Variants in CDHR2 observed in about 807,000 individuals in gnomAD.
CDHR2 encodes the protein cadherin-related family member 2.
A neutral mutation model predicts 138.6 loss-of-function variants in CDHR2; 104 were observed. That is an observed-to-expected ratio of 0.75 (90% CI 0.64 to 0.88). The LOEUF is 0.88. Ranked by LOEUF, CDHR2 falls within the 40% of genes least tolerant of loss-of-function variation. The pLI is 0.00. For missense variants in CDHR2, 1,624 were observed against 1,727.6 expected (o/e 0.94, Z 1.06); for synonymous variants, 755 against 742.8 (o/e 1.02, Z -0.27).
At chr5:176,570,796 C>G (rs1250147247) in intron 5 of CDHR2, among the ~76,000 whole-genome samples, 1 of 151,728 alleles carries the variant, frequency 6.6e-6, no homozygotes, top group Non-Finnish European at 1.5e-5. Flanking sequence ...TACTAAATAC[C>G]AAAAACTAAC....
In CDHR2 at chr5:176,576,934, G is replaced by C. The variant is rs185698895; in HGVS notation, c.1195-465G>C. ...AGAGGTGGGTAACACGGTGGCGCTGGAGGATGAGTAACTCTGGAGGGTGTA... is the reference window on the plus strand; with the variant it reads ...AGAGGTGGGTAACACGGTGGCGCTGCAGGATGAGTAACTCTGGAGGGTGTA... On this transcript the variant is annotated intron_variant, in intron 12 of 31. Coordinates refer to ENST00000261944, the MANE Select transcript of CDHR2 (RefSeq NM_017675.6). This position sits in a 1 kb window ranked among gnomAD's most constrained non-coding sequence, Gnocchi z 4.5. Among the ~76,000 whole-genome samples the C allele has an allele frequency of 6.6e-6, 1 of 152,200 alleles. No homozygotes were observed. Among genetic ancestry groups the C allele is most frequent in the Admixed American group, 6.5e-5 (1 of 15,282 alleles).
Position 176,595,589 on chromosome 5 carries a change from C to G in CDHR2, c.3850C>G (p.Leu1284Val), listed in dbSNP as rs1759008777. The G allele has an allele frequency of 6.2e-7, 1 of 1,612,942 alleles. No homozygotes were observed. Among genetic ancestry groups the G allele is most frequent in the Admixed American group, 1.7e-5 (1 of 59,930 alleles). The change falls in exon 32 of 32, where the codon CTG becomes GTG. Residue 1284 changes from leucine (L) to valine (V), a missense_variant. Physicochemically the swap from Leu to Val is conservative, Grantham distance 32 (BLOSUM62 1). Around this residue, in one of 3 missense-constraint regions of CDHR2, gnomAD observed 556 missense variants for 565.7 expected, o/e 0.98. Transcript: ENST00000261944. ...AGATCCAGAGCCCCTGAGCGTGGTC[C>G]TGTTAGGACGGCAGGCAGGCGCAAG... ...EPDPEPLSVV[L>V]LGRQAGASGQ...
chr5:176,575,729 ACGCGGCCCGGC>A lies in CDHR2; in HGVS notation c.851_861del (p.Thr284MetfsTer3). ...TCCGCCTTTCTCCTTGCCAGACTCCACGCGGCCCGGCTGGTTTGACATCGGGGCAGATGGGG... is the reference window on the plus strand; with the variant it reads ...TCCGCCTTTCTCCTTGCCAGACTCCATGGTTTGACATCGGGGCAGATGGGG... On this transcript the variant is annotated frameshift_variant, in exon 11 of 32. Coordinates refer to ENST00000261944, the MANE Select transcript of CDHR2 (RefSeq NM_017675.6). LOFTEE classifies it high-confidence loss of function. 5 of 1,578,008 alleles carry A rather than the reference ACGCGGCCCGGC, an allele frequency of 3.2e-6. No homozygotes were observed. Among genetic ancestry groups the A allele is most frequent in the Non-Finnish European group, 4.3e-6 (5 of 1,161,406 alleles).
chr5:176,558,447 G>A (rs1171782111), intron 1 of CDHR2, among the ~76,000 whole-genome samples: 1 of 140,092 alleles, frequency 7.1e-6, no homozygotes, highest in Non-Finnish European at 1.5e-5. Context: ...GCGATGGTGC[G>A]ATTTCGGCCC....
intron 3 of CDHR2, 148 bp from the exon 4 acceptor site, chr5:176,568,530 C>T: frequency 2.6e-6 from 2 of 781,216 alleles, no homozygotes; most frequent in South Asian, 1.8e-5. Context: ...ATGCTGCTGA[C>T]TTGGCTGATG....
intron 28 of CDHR2, 151 bp downstream of exon 28, chr5:176,590,838 C>T (rs1758826602): frequency 2.0e-6 from 2 of 1,004,032 alleles, no homozygotes; most frequent in East Asian, 2.5e-5. Context: ...GGGTGAGTCA[C>T]CTCCCCTCCA....
upstream of CDHR2, among the ~76,000 whole-genome samples, chr5:176,545,041 A>G (rs1289821501): frequency 6.6e-6 from 1 of 152,180 alleles, no homozygotes; most frequent in East Asian, 1.9e-4. Flanking sequence ...CTTGATTTCA[A>G]CTTGATAAAT....
rs1013870255 is a variant in CDHR2 at position 176,578,471 on chromosome 5, A to C, written c.1681A>C (p.Thr561Pro). 1 of 1,613,940 alleles carries C rather than the reference A, an allele frequency of 6.2e-7. No homozygotes were observed. ...QAVYYLTLQA[T>P]DGGNLSSSTT... is the part of the protein sequence containing the mutation. ...CGTGTACTACCTGACGCTGCAGGCCACAGACGGCGGGAACCTGTCCTCCTC... is the reference window on the plus strand; with the variant it reads ...CGTGTACTACCTGACGCTGCAGGCCCCAGACGGCGGGAACCTGTCCTCCTC... Residue 561 changes from threonine to proline, a missense_variant, in exon 16 of 32, where the codon ACA becomes CCA. This residue lies in a region of CDHR2 where 1,061 missense variants were observed against 1,136.6 expected (regional missense o/e 0.93). Transcript: ENST00000261944.
At chr5:176,573,579 A>T (rs527773185) in intron 6 of CDHR2, among the ~76,000 whole-genome samples, 1 of 152,070 alleles carries the variant, frequency 6.6e-6, no homozygotes, top group South Asian at 2.1e-4. Flanking sequence ...CCCAGGGGGC[A>T]GAGGTTACAG....
intron 3 of CDHR2, among the ~76,000 whole-genome samples, chr5:176,567,768 C>T (rs1462710443): frequency 6.6e-6 from 1 of 152,238 alleles, no homozygotes; most frequent in Non-Finnish European, 1.5e-5. Context: ...GCTGGGATTA[C>T]AGGCATGAGC....
At chr5:176,593,474 G>A (rs867468240) in intron 31 of CDHR2, among the ~76,000 whole-genome samples, 9 of 152,246 alleles carry the variant, frequency 5.9e-5, no homozygotes, top group African/African-American at 2.2e-4. Flanking sequence ...GGACACCGCT[G>A]GAGCGGGTCA....
chr5:176,584,517 G>A lies in CDHR2; in HGVS notation c.2236G>A (p.Gly746Ser). ...TGGTGCCAACTACTTCATGATCCGA[G>A]GCTTGGTGCTGGGGGCTGGGTGGGC... Reference protein sequence around the residue: ...GSGANYFMIRGLVLGAGWAEG... With the variant: ...GSGANYFMIRSLVLGAGWAEG... Residue 746 changes from glycine to serine, a missense_variant, in exon 19 of 32, where the codon GGC becomes AGC. Coordinates refer to ENST00000261944, the MANE Select transcript of CDHR2 (RefSeq NM_017675.6). The A allele has an allele frequency of 6.2e-7, 1 of 1,613,722 alleles. No individual in the cohort carries two copies. Among genetic ancestry groups the A allele is most frequent in the Non-Finnish European group, 8.5e-7 (1 of 1,179,800 alleles).
At chr5:176,575,059 C>A in intron 7 of CDHR2, 25 bp from the exon 8 acceptor site, 1 of 1,613,458 alleles carries the variant, frequency 6.2e-7, no homozygotes, top group South Asian at 1.1e-5. Context: ...CCTAGGGAGC[C>A]TGACCCAAGT....
rs1758301461 is a variant in CDHR2 at position 176,574,157 on chromosome 5, G to A, written c.480G>A (p.Val160=). 1.9e-6 allele frequency: 3 copies of A among 1,613,572 alleles called. No individual in the cohort carries two copies. Among genetic ancestry groups the A allele is most frequent in the Non-Finnish European group, 2.5e-6 (3 of 1,179,648 alleles). Residue 160 remains valine (V), a synonymous_variant, in exon 7 of 32, where the codon GTG becomes GTA. Coordinates refer to ENST00000261944, the MANE Select transcript of CDHR2 (RefSeq NM_017675.6). ...ACATGGGGTCTGCAGGCATGGTCGT[G>A]TACTCCATAGAGAAGGTGAGTGTGA... ...DKDMGSAGMV[V]YSIEKVIPST... is the part of the protein sequence containing the mutation.
intron 21 of CDHR2, among the ~76,000 whole-genome samples, chr5:176,588,554 TGA>T (rs1581149402): frequency 3.3e-5 from 5 of 151,078 alleles, no homozygotes; most frequent in African/African-American, 4.9e-5. Flanking sequence ...AGTGTATGTG[TGA>T]GTGGGACAGT....
intron 21 of CDHR2, among the ~76,000 whole-genome samples, chr5:176,587,143 G>A (rs1435044450): frequency 6.6e-6 from 1 of 152,204 alleles, no homozygotes; most frequent in Non-Finnish European, 1.5e-5. Context: ...CCAGTGCCTT[G>A]TCATTAAATA....
chr5:176,589,927 A>G (rs1758801815), intron 24 of CDHR2, 151 bp from the exon 25 acceptor site: 1 of 723,052 alleles, frequency 1.4e-6, no homozygotes, highest in Non-Finnish European at 2.4e-6. Context: ...TCCTTTTGTA[A>G]TTTTCACAGA....
chr5:176,576,153 G>A lies in CDHR2; in HGVS notation c.1162G>A (p.Asp388Asn), dbSNP rs1758375892. The A allele has an allele frequency of 1.2e-6, 2 of 1,613,248 alleles. No homozygotes were observed. The highest frequency in any genetic ancestry group is 2.2e-5 in the South Asian group (2 of 91,074). The change falls in exon 12 of 32, where the codon GAC becomes AAC. Residue 388 changes from aspartate (D) to asparagine (N), a missense_variant. Around this residue, in one of 3 missense-constraint regions of CDHR2, gnomAD observed 1,061 missense variants for 1,136.6 expected, o/e 0.93. Coordinates refer to ENST00000261944, the MANE Select transcript of CDHR2 (RefSeq NM_017675.6). The surrounding 1 kb of genome is among the most constrained non-coding windows in gnomAD (Gnocchi z 4.5). ...TGCCTCCCCCCGCATCCCCATCGATGACCTCACCATGGTGGTCTACGACCC... is the reference window on the plus strand; with the variant it reads ...TGCCTCCCCCCGCATCCCCATCGATAACCTCACCATGGTGGTCTACGACCC... ...EHASPRIPID[D>N]LTMVVYDPDK...
chr5:176,581,649 G>C (rs1758537252), intron 17 of CDHR2, 67 bp downstream of exon 17: 1 of 1,584,410 alleles, frequency 6.3e-7, no homozygotes, highest in Admixed American at 1.7e-5. Context: ...CCTCCAGCTT[G>C]AGTCACACTT....
Sources: allele counts gnomAD v4.1 joint callset (sites outside exome capture counted in the v4.1 genomes callset), GRCh38; gene constraint gnomAD v4.1.1; regional missense constraint gnomAD v4.1.1; non-coding constraint Gnocchi (gnomAD v3.1); transcripts MANE v1.5; gene names NCBI Gene and HGNC (gene_info 2026-07-23, HGNC 2026-07-21).